Variants in HCN1 observed in about 807,000 individuals in gnomAD.
HCN1 encodes the protein hyperpolarization activated cyclic nucleotide gated potassium channel 1.
In HCN1, 13 loss-of-function variants were observed where a neutral mutation model predicts 78.9. The ratio of observed to expected loss-of-function variants is 0.16; its 90% CI spans 0.11 to 0.26. The LOEUF (loss-of-function observed/expected upper bound fraction) is 0.26. Among genes scored for constraint, HCN1 ranks in the 10% least tolerant of loss-of-function variants. The pLI is 1.00. For missense variants in HCN1, 810 were observed against 1,154.3 expected (o/e 0.70, Z 4.32); for synonymous variants, 552 against 455.5 (o/e 1.21, Z -2.70).
Position 45,363,530 on chromosome 5 carries a change from T to TA in HCN1, c.1231-10285dup, listed in dbSNP as rs1261500699. Among the ~76,000 whole-genome samples the TA allele has an allele frequency of 1.3e-4, 20 of 151,854 alleles. No homozygotes were observed. In the South Asian group the frequency reaches 2.1e-3, roughly 16 times the overall value. ...GGACTAAGCCCCAATTGTCTATAACTAAAAAAAACCTCAATAATATACCCT... is the reference window on the plus strand; with the variant it reads ...GGACTAAGCCCCAATTGTCTATAACTAAAAAAAAACCTCAATAATATACCCT... On this transcript the variant is annotated intron_variant, in intron 4 of 7. Coordinates refer to ENST00000303230, the MANE Select transcript of HCN1 (RefSeq NM_021072.4).
chr5:45,547,626 T>C (rs562179008), intron 2 of HCN1, among the ~76,000 whole-genome samples: 1 of 152,036 alleles, frequency 6.6e-6, no homozygotes, highest in Admixed American at 6.6e-5. Context: ...AATATCAATG[T>C]ATATTAAAAT....
chr5:45,501,006 A>C (rs1742176140), intron 2 of HCN1, among the ~76,000 whole-genome samples: 1 of 152,220 alleles, frequency 6.6e-6, no homozygotes, highest in Non-Finnish European at 1.5e-5. Flanking sequence ...AGTTACTGTG[A>C]CATAAAATAA....
At chr5:45,611,852 T>C (rs535972184) in intron 2 of HCN1, among the ~76,000 whole-genome samples, 87 of 152,186 alleles carry the variant, frequency 5.7e-4, no homozygotes, top group African/African-American at 1.9e-3. Context: ...AGTAACTACA[T>C]TGGAGACAAA....
intron 2 of HCN1, among the ~76,000 whole-genome samples, chr5:45,618,754 G>C (rs575951083): frequency 3.3e-5 from 5 of 152,154 alleles, no homozygotes; most frequent in Non-Finnish European, 7.4e-5. Context: ...ATAATTGATT[G>C]TATAGGTGAG....
At chr5:45,459,739 A>G (rs1381852978) in intron 3 of HCN1, among the ~76,000 whole-genome samples, 1 of 152,132 alleles carries the variant, frequency 6.6e-6, no homozygotes, top group Non-Finnish European at 1.5e-5. Flanking sequence ...GATACATAGG[A>G]AAAATGTAAA....
chr5:45,452,905 T>C (rs1265683431), intron 3 of HCN1, among the ~76,000 whole-genome samples: 1 of 152,036 alleles, frequency 6.6e-6, no homozygotes, highest in African/African-American at 2.4e-5. Context: ...TTTCAAAAAG[T>C]GTCCCTCCTA....
At chr5:45,314,029 AC>A (rs1745918832) in intron 5 of HCN1, among the ~76,000 whole-genome samples, 1 of 151,118 alleles carries the variant, frequency 6.6e-6, no homozygotes, top group Non-Finnish European at 1.5e-5. Flanking sequence ...CCACAAAGAT[AC>A]GAGAAGAGCA....
chr5:45,554,770 C>G (rs1300533657), intron 2 of HCN1, among the ~76,000 whole-genome samples: 2 of 151,658 alleles, frequency 1.3e-5, no homozygotes, highest in Non-Finnish European at 2.9e-5. Context: ...GGCAATTTGA[C>G]CTTAAAATGT....
chr5:45,660,672 G>T (rs1286073024), intron 1 of HCN1, among the ~76,000 whole-genome samples: 1 of 145,784 alleles, frequency 6.9e-6, no homozygotes, highest in Non-Finnish European at 1.5e-5. Context: ...TGATAAAACA[G>T]ACTTTAAACC....
intron 2 of HCN1, among the ~76,000 whole-genome samples, chr5:45,623,868 C>A (rs1158385213): frequency 6.6e-6 from 1 of 152,068 alleles, no homozygotes; most frequent in Non-Finnish European, 1.5e-5. Flanking sequence ...AGGATTATTG[C>A]TTTATATAAA....
intron 2 of HCN1, among the ~76,000 whole-genome samples, chr5:45,478,640 C>T (rs915720542): frequency 6.6e-6 from 1 of 152,186 alleles, no homozygotes; most frequent in Non-Finnish European, 1.5e-5. Flanking sequence ...TGATGCATGT[C>T]TGGCATATTC....
At chr5:45,372,331 A>G (rs1197481279) in intron 4 of HCN1, among the ~76,000 whole-genome samples, 1 of 101,924 alleles carries the variant, frequency 9.8e-6, no homozygotes, top group South Asian at 2.6e-4. Flanking sequence ...TATGTTATAT[A>G]ATATATATCA....
chr5:45,373,431 A>G (rs1747479894), intron 4 of HCN1, among the ~76,000 whole-genome samples: 1 of 136,260 alleles, frequency 7.3e-6, no homozygotes, highest in African/African-American at 2.7e-5. Context: ...TATATCCCTC[A>G]GATATACATC....
At chr5:45,431,856 G>C (rs140862014) in intron 3 of HCN1, among the ~76,000 whole-genome samples, 4 of 152,266 alleles carry the variant, frequency 2.6e-5, no homozygotes, top group African/African-American at 7.2e-5. Flanking sequence ...ACAGTTTGAG[G>C]TCGGATAACA....
At chr5:45,660,524 T>C (rs1007617557) in intron 1 of HCN1, among the ~76,000 whole-genome samples, 10 of 151,032 alleles carry the variant, frequency 6.6e-5, no homozygotes, top group South Asian at 4.2e-4. Context: ...GGATAAAGAG[T>C]CAAGACCCAT....
intron 1 of HCN1, among the ~76,000 whole-genome samples, chr5:45,684,620 G>A (rs1191504073): frequency 1.3e-5 from 2 of 152,198 alleles, no homozygotes; most frequent in Non-Finnish European, 2.9e-5. Context: ...CAGCACTTTG[G>A]TAGGCCAAGG....
chr5:45,585,874 G>A (rs1013194112), intron 2 of HCN1, among the ~76,000 whole-genome samples: 6 of 152,142 alleles, frequency 3.9e-5, no homozygotes, highest in African/African-American at 9.7e-5. Context: ...CTGCCTGATC[G>A]TTCCTCTGGA....
chr5:45,406,200 T>C (rs1469630376), intron 3 of HCN1, among the ~76,000 whole-genome samples: 2 of 152,150 alleles, frequency 1.3e-5, no homozygotes. Context: ...GATGTTTCAA[T>C]TACAATTAGC....
intron 2 of HCN1, among the ~76,000 whole-genome samples, chr5:45,492,853 T>C (rs983248972): frequency 6.6e-6 from 1 of 152,124 alleles, no homozygotes; most frequent in African/African-American, 2.4e-5. Flanking sequence ...CTTTATTTTG[T>C]TTTTTGTTCT....
Sources: allele counts gnomAD v4.1 joint callset (sites outside exome capture counted in the v4.1 genomes callset), GRCh38; gene constraint gnomAD v4.1.1; transcripts MANE v1.5; gene names NCBI Gene and HGNC (gene_info 2026-07-23, HGNC 2026-07-21).